Variants in AGMO observed in about 807,000 individuals in gnomAD.
AGMO encodes the protein glyceryl-ether monooxygenase.
AGMO carries 75 observed loss-of-function variants against 60.2 expected under a neutral mutation model. That is an observed-to-expected ratio of 1.25 (90% CI 1.03 to 1.51). AGMO has a LOEUF of 1.51. AGMO is among the 40% of genes most tolerant of loss of function. AGMO has a pLI of 0.00. For missense variants in AGMO, 763 were observed against 525.5 expected, an observed-to-expected ratio of 1.45 and a Z score of -4.42; for synonymous variants, 261 against 177.1, an observed-to-expected ratio of 1.47 and a Z score of -3.76.
At chr7:15,458,274 G>A (rs1461381637) in intron 3 of AGMO, among the ~76,000 whole-genome samples, 3 of 152,024 alleles carry the variant, frequency 2.0e-5, no homozygotes, top group Non-Finnish European at 2.9e-5. Context: ...AGCAAAAATC[G>A]GCATTAATAA....
the AGMO span, among the ~76,000 whole-genome samples, chr7:15,165,419 A>C: frequency 6.6e-6 from 1 of 152,146 alleles, no homozygotes; most frequent in Non-Finnish European, 1.5e-5. Flanking sequence ...AAAAGACAAG[A>C]GTCTGAAGGG....
At chr7:15,498,832 CTT>C (rs1783304129) in intron 3 of AGMO, among the ~76,000 whole-genome samples, 1 of 151,816 alleles carries the variant, frequency 6.6e-6, no homozygotes, top group Non-Finnish European at 1.5e-5. Flanking sequence ...GAAGACATCT[CTT>C]GTATATTTTC....
chr7:15,413,992 GATTT>G (rs1459284225), intron 5 of AGMO, among the ~76,000 whole-genome samples: 1 of 151,878 alleles, frequency 6.6e-6, no homozygotes, highest in East Asian at 1.9e-4. Context: ...AATATTTTGG[GATTT>G]ATTTATTTGT....
chr7:15,409,470 G>A (rs77288114), intron 5 of AGMO, among the ~76,000 whole-genome samples: 1,526 of 151,910 alleles, frequency 0.01, 18 homozygotes, highest in African/African-American at 0.034. Flanking sequence ...GAATATCAAC[G>A]TTCTTAGCCT....
intron 12 of AGMO, among the ~76,000 whole-genome samples, chr7:15,361,358 T>C (rs1583457085): frequency 6.7e-6 from 1 of 150,142 alleles, no homozygotes; most frequent in Non-Finnish European, 1.5e-5. Flanking sequence ...GCTAACATGG[T>C]GAAACCCCAT....
At chr7:15,406,586 AC>A in intron 5 of AGMO, among the ~76,000 whole-genome samples, 1 of 132,880 alleles carries the variant, frequency 7.5e-6, no homozygotes, top group Non-Finnish European at 1.6e-5. Context: ...ACACACACAC[AC>A]ACGTATATTC....
chr7:15,423,028 A>C (rs1315955464), intron 4 of AGMO, among the ~76,000 whole-genome samples: 3 of 152,202 alleles, frequency 2.0e-5, no homozygotes, highest in Admixed American at 2.0e-4. Context: ...CAAATGGCTA[A>C]ACAGCGTAAA....
chr7:15,369,819 T>C (rs1368131615), intron 10 of AGMO, among the ~76,000 whole-genome samples: 2 of 152,286 alleles, frequency 1.3e-5, no homozygotes, highest in East Asian at 1.9e-4. Flanking sequence ...ACTGATAAAA[T>C]GTTTATATTT....
chr7:15,143,662 G>T, the AGMO span, among the ~76,000 whole-genome samples: 3 of 150,840 alleles, frequency 2.0e-5, no homozygotes, highest in East Asian at 5.8e-4. Flanking sequence ...AGTTGGCACT[G>T]AAGTTTTTGT....
the AGMO span, among the ~76,000 whole-genome samples, chr7:15,165,150 T>C: frequency 1.3e-5 from 2 of 152,168 alleles, no homozygotes; most frequent in African/African-American, 2.4e-5. Context: ...AAATATCACA[T>C]GTTCTCACTT....
At chr7:15,491,488 A>G (rs986357020) in intron 3 of AGMO, among the ~76,000 whole-genome samples, 9 of 152,202 alleles carry the variant, frequency 5.9e-5, no homozygotes, top group Admixed American at 1.3e-4. Context: ...TATAGTACTT[A>G]TTATGTGCCA....
At chr7:15,373,081 T>A (rs2128566753) in intron 10 of AGMO, among the ~76,000 whole-genome samples, 1 of 152,274 alleles carries the variant, frequency 6.6e-6, no homozygotes, top group Non-Finnish European at 1.5e-5. Flanking sequence ...CTGGCCAACA[T>A]GGCAAAACCC....
intron 12 of AGMO, among the ~76,000 whole-genome samples, chr7:15,226,263 C>T (rs1782078693): frequency 6.6e-6 from 1 of 152,074 alleles, no homozygotes; most frequent in South Asian, 2.1e-4. Context: ...AGCTCCATAT[C>T]TAAATCAGAC....
At chr7:15,225,956 T>A (rs1226108907) in intron 12 of AGMO, among the ~76,000 whole-genome samples, 1 of 152,020 alleles carries the variant, frequency 6.6e-6, no homozygotes, top group Non-Finnish European at 1.5e-5. Context: ...CAGTACATTT[T>A]AAAATAAATA....
chr7:15,280,162 C>T (rs969332567), intron 12 of AGMO, among the ~76,000 whole-genome samples: 4 of 152,166 alleles, frequency 2.6e-5, no homozygotes, highest in African/African-American at 9.7e-5. Flanking sequence ...GGTCTGAAAG[C>T]TGTGGTTGCT....
intron 4 of AGMO, among the ~76,000 whole-genome samples, chr7:15,428,202 T>C (rs374432673): frequency 7.8e-4 from 119 of 152,196 alleles, no homozygotes; most frequent in African/African-American, 2.5e-3. Context: ...CCCTATAATT[T>C]TGATGTCTAG....
At chr7:15,138,489 A>T in the AGMO span, among the ~76,000 whole-genome samples, 5 of 152,292 alleles carry the variant, frequency 3.3e-5, no homozygotes, top group Admixed American at 3.3e-4. Context: ...GTATTCATCA[A>T]GTTTAGTGAT....
At chr7:15,263,529 A>C (rs1444461961) in intron 12 of AGMO, among the ~76,000 whole-genome samples, 1 of 152,116 alleles carries the variant, frequency 6.6e-6, no homozygotes, top group African/African-American at 2.4e-5. Flanking sequence ...TAAAGAACTA[A>C]AGTAGATTTA....
the AGMO span, among the ~76,000 whole-genome samples, chr7:15,134,054 G>A: frequency 3.9e-5 from 6 of 152,194 alleles, no homozygotes; most frequent in East Asian, 5.8e-4. Context: ...TTTTAGGTTC[G>A]GAGGTACGTG....
Sources: gnomAD v4.1 joint callset for allele counts (sites outside exome capture counted in the v4.1 genomes callset) on GRCh38, gnomAD v4.1.1 for gene constraint, MANE v1.5 for transcripts, NCBI Gene and HGNC (gene_info 2026-07-23, HGNC 2026-07-21) for gene names.